Variants in CAST observed in about 807,000 individuals in gnomAD.
CAST encodes MIR583 host.
In CAST, 76 loss-of-function variants were observed where a neutral mutation model predicts 119.6. The observed-to-expected ratio is 0.64, with a 90% confidence interval of 0.53 to 0.77. The LOEUF is 0.77. Ranked by LOEUF, CAST falls within the 30% of genes least tolerant of loss-of-function variation. CAST has a pLI of 0.00. For synonymous variants in CAST, 319 were observed against 331.6 expected (o/e 0.96, Z 0.41); for missense variants, 953 against 946.5 (o/e 1.01, Z -0.09).
intron 31 of CAST, chr5:96,772,393 C>T (rs1191838095): frequency 1.3e-5 from 2 of 151,976 alleles, no homozygotes; most frequent in Non-Finnish European, 2.9e-5. Context: ...TAGGTTAAAT[C>T]GGGTTCAGCT....
the CAST span, among the ~76,000 whole-genome samples, chr5:96,182,804 G>GTT: frequency 6.6e-6 from 1 of 152,110 alleles, no homozygotes; most frequent in Non-Finnish European, 1.5e-5. Flanking sequence ...TTTTGCGGGT[G>GTT]TTTGTTGCAG....
At chr5:96,364,474 G>A in the CAST span, among the ~76,000 whole-genome samples, 1 of 152,134 alleles carries the variant, frequency 6.6e-6, no homozygotes, top group East Asian at 1.9e-4. Context: ...TGGTTGGTAG[G>A]CTATTAATTA....
At chr5:96,254,613 T>C in the CAST span, among the ~76,000 whole-genome samples, 2 of 152,138 alleles carry the variant, frequency 1.3e-5, no homozygotes, top group East Asian at 3.8e-4. Context: ...ATTACTTAGC[T>C]CTTGAGAGAG....
chr5:96,144,824 G>T, the CAST span, among the ~76,000 whole-genome samples: 4 of 151,826 alleles, frequency 2.6e-5, no homozygotes, highest in Non-Finnish European at 4.4e-5. Context: ...CTACAGGTGC[G>T]CACCACCATG....
intron 1 of CAST, among the ~76,000 whole-genome samples, chr5:96,557,536 A>T (rs1406569818): frequency 6.6e-6 from 1 of 151,472 alleles, no homozygotes; most frequent in Non-Finnish European, 1.5e-5. Context: ...ATGGAAAACG[A>T]AAAAAAGGCA....
At chr5:96,721,493 C>T (rs1758254541) in intron 3 of CAST, among the ~76,000 whole-genome samples, 1 of 151,994 alleles carries the variant, frequency 6.6e-6, no homozygotes, top group African/African-American at 2.4e-5. Context: ...GCTCATGCTG[C>T]CCTGTGACTC....
At chr5:96,568,890 A>G (rs1348490761) in intron 1 of CAST, among the ~76,000 whole-genome samples, 1 of 152,118 alleles carries the variant, frequency 6.6e-6, no homozygotes, top group East Asian at 1.9e-4. Flanking sequence ...GTATGGAAAG[A>G]CAATAGCATG....
the CAST span, among the ~76,000 whole-genome samples, chr5:96,092,842 G>A: frequency 6.6e-6 from 1 of 152,164 alleles, no homozygotes; most frequent in Admixed American, 6.5e-5. Flanking sequence ...AGACCATAGT[G>A]TCACCCAGTC....
chr5:96,258,804 GCA>G, the CAST span, among the ~76,000 whole-genome samples: 4 of 108,242 alleles, frequency 3.7e-5, no homozygotes, highest in Non-Finnish European at 7.2e-5. Flanking sequence ...ATGCTATAAA[GCA>G]TATGTGTTTT....
At chr5:96,397,261 T>C in the CAST span, 1 of 1,316,024 alleles carries the variant, frequency 7.6e-7, no homozygotes, top group Non-Finnish European at 1.1e-6. Context: ...TAATTAATGA[T>C]GAAATCAACC....
At chr5:96,092,913 G>A in the CAST span, among the ~76,000 whole-genome samples, 4 of 152,250 alleles carry the variant, frequency 2.6e-5, no homozygotes, top group Admixed American at 6.5e-5. Context: ...GCTATTTAGC[G>A]GCAGAGTGGG....
At chr5:96,460,074 G>C in the CAST span, among the ~76,000 whole-genome samples, 1 of 152,162 alleles carries the variant, frequency 6.6e-6, no homozygotes, top group South Asian at 2.1e-4. Flanking sequence ...CAGGTCAACA[G>C]CTAGACAAAT....
At chr5:96,104,506 G>T in the CAST span, among the ~76,000 whole-genome samples, 1 of 151,950 alleles carries the variant, frequency 6.6e-6, no homozygotes, top group South Asian at 2.1e-4. Flanking sequence ...TTTCCCCATT[G>T]CTTGTTTTTC....
the CAST span, among the ~76,000 whole-genome samples, chr5:96,095,492 T>TC: frequency 7.6e-6 from 1 of 132,026 alleles, no homozygotes; most frequent in East Asian, 2.2e-4. Flanking sequence ...ACTCAAGAGT[T>TC]CCAGGCTGCA....
At chr5:96,609,811 C>T (rs911083700) in intron 1 of CAST, among the ~76,000 whole-genome samples, 1 of 148,058 alleles carries the variant, frequency 6.8e-6, no homozygotes, top group African/African-American at 2.4e-5. Flanking sequence ...AGGGAAAATG[C>T]TTTTCCCTTT....
At chr5:96,499,314 T>G in the CAST span, among the ~76,000 whole-genome samples, 1 of 152,210 alleles carries the variant, frequency 6.6e-6, no homozygotes, top group Non-Finnish European at 1.5e-5. Flanking sequence ...CAATAAACAA[T>G]TGCAATAATG....
the CAST span, among the ~76,000 whole-genome samples, chr5:96,304,420 G>A: frequency 6.6e-6 from 1 of 152,160 alleles, no homozygotes; most frequent in Admixed American, 6.5e-5. Flanking sequence ...TCTGATGATA[G>A]TTTCTTTTGC....
the CAST span, among the ~76,000 whole-genome samples, chr5:96,489,267 A>C: frequency 1.3e-5 from 2 of 152,190 alleles, no homozygotes; most frequent in African/African-American, 4.8e-5. Flanking sequence ...TTTTAAGCCA[A>C]ATTGAGGCAG....
the CAST span, among the ~76,000 whole-genome samples, chr5:96,206,057 T>G: frequency 5.3e-4 from 81 of 152,210 alleles, 1 homozygote; most frequent in African/African-American, 1.9e-3. Context: ...TTTGCATTTT[T>G]CTAATGATTA....
Sources: allele counts gnomAD v4.1 joint callset (sites outside exome capture counted in the v4.1 genomes callset), GRCh38; gene constraint gnomAD v4.1.1; transcripts MANE v1.5; gene names NCBI Gene and HGNC (gene_info 2026-07-23, HGNC 2026-07-21).